The following PCDH15 variants were observed in gnomAD, a reference collection of about 807,000 sequenced individuals.
PCDH15 encodes the protein protocadherin related 15, also known as protocadherin-15.
In PCDH15, 129 loss-of-function variants were observed where a neutral mutation model predicts 178.5. The observed-to-expected ratio is 0.72, with a 90% CI of 0.63 to 0.84. The LOEUF is 0.84. PCDH15 is among the 40% of genes least tolerant of loss of function. PCDH15 has a pLI of 0.00. For missense variants in PCDH15, 2,230 were observed against 2,099.9 expected, an observed-to-expected ratio of 1.06 and a Z score of -1.21; for synonymous variants, 800 against 732.0, an observed-to-expected ratio of 1.09 and a Z score of -1.50.
intron 2 of PCDH15, among the ~76,000 whole-genome samples, chr10:55,573,799 T>C (rs1262903072): frequency 3.3e-5 from 5 of 151,996 alleles, no homozygotes. Context: ...CCATTTTCTG[T>C]GTAAAACAAT....
At chr10:55,592,993 T>G (rs1842872449) in intron 2 of PCDH15, among the ~76,000 whole-genome samples, 1 of 152,032 alleles carries the variant, frequency 6.6e-6, no homozygotes. Flanking sequence ...TCTAAAGAAA[T>G]AATCTTCTAT....
chr10:54,796,282 GTATC>G (rs57641746), intron 1 of PCDH15, among the ~76,000 whole-genome samples: 10,743 of 125,908 alleles, frequency 0.085, 503 homozygotes, highest in African/African-American at 0.12. Context: ...ATGTATCTAT[GTATC>G]TATCTATCTA....
chr10:55,328,615 A>G (rs1441731285), intron 2 of PCDH15, among the ~76,000 whole-genome samples: 1 of 151,588 alleles, frequency 6.6e-6, no homozygotes, highest in East Asian at 1.9e-4. Context: ...CATTGGTTCC[A>G]TATATGAGGA....
chr10:54,909,433 G>C (rs546674045), intron 2 of PCDH15, among the ~76,000 whole-genome samples: 2 of 152,252 alleles, frequency 1.3e-5, no homozygotes, highest in Admixed American at 1.3e-4. Context: ...AGGTAGCATG[G>C]GGCTGGTGTA....
chr10:53,860,400 A>G (rs2079024947), intron 27 of PCDH15, among the ~76,000 whole-genome samples: 1 of 152,074 alleles, frequency 6.6e-6, no homozygotes, highest in Non-Finnish European at 1.5e-5. Flanking sequence ...AAGGATAGTC[A>G]CTGCTTTCTC....
chr10:55,478,235 C>T (rs1272350052), intron 2 of PCDH15, among the ~76,000 whole-genome samples: 1 of 151,660 alleles, frequency 6.6e-6, no homozygotes, highest in Non-Finnish European at 1.5e-5. Flanking sequence ...ACTTCAGCAT[C>T]CCACTGTTCT....
At chr10:55,486,621 G>T (rs1565188083) in intron 2 of PCDH15, among the ~76,000 whole-genome samples, 1 of 151,470 alleles carries the variant, frequency 6.6e-6, no homozygotes, top group Non-Finnish European at 1.5e-5. Flanking sequence ...ATGCTATTAA[G>T]ATGAAACTCC....
At position 53,806,415 on chromosome 10, in the gene PCDH15, A is replaced by G. The variant is rs984706098; in HGVS notation, c.*164T>C. 30 of 608,724 alleles carry G rather than the reference A, an allele frequency of 4.9e-5. No individual in the cohort carries two copies. Among genetic ancestry groups the G allele is most frequent in the Non-Finnish European group, 8.3e-5 (30 of 360,358 alleles). The allele number at this position is 608,724 out of a possible 1,614,324, so 37.7% of individuals were successfully genotyped here. ...TGGGAAAAACGATTAATTGATAACA[A>G]TGTGAGTGCAAATCTGTCTCTTAAA... On this transcript the variant is annotated 3_prime_UTR_variant, in exon 38 of 38. Transcript: ENST00000644397.
intron 2 of PCDH15, among the ~76,000 whole-genome samples, chr10:55,604,071 C>CA (rs1305664890): frequency 3.1e-5 from 3 of 98,178 alleles, no homozygotes; most frequent in East Asian, 2.5e-4. Context: ...AAATGGAAAA[C>CA]AAAAAAAGGC....
At chr10:54,905,706 T>C (rs1954707227) in intron 2 of PCDH15, among the ~76,000 whole-genome samples, 1 of 152,118 alleles carries the variant, frequency 6.6e-6, no homozygotes, top group Admixed American at 6.5e-5. Flanking sequence ...AGTTGTCTTT[T>C]CCAATATTAA....
intron 1 of PCDH15, among the ~76,000 whole-genome samples, chr10:54,710,666 A>C (rs2095419613): frequency 6.6e-6 from 1 of 152,148 alleles, no homozygotes; most frequent in Non-Finnish European, 1.5e-5. Context: ...ATGTTTTCCT[A>C]ATTGCTGTTG....
At chr10:53,940,562 T>C (rs747998280) in intron 24 of PCDH15, among the ~76,000 whole-genome samples, 26 of 152,256 alleles carry the variant, frequency 1.7e-4, no homozygotes, top group Non-Finnish European at 3.5e-4. Context: ...GAAAATTTCA[T>C]GATGCATTAA....
intron 2 of PCDH15, among the ~76,000 whole-genome samples, chr10:55,361,972 C>A (rs1845240923): frequency 6.6e-6 from 1 of 152,026 alleles, no homozygotes; most frequent in Non-Finnish European, 1.5e-5. Flanking sequence ...TGGAGAAAAT[C>A]TCCTTTCTTG....
At chr10:55,567,132 T>C (rs1289720240) in intron 2 of PCDH15, among the ~76,000 whole-genome samples, 1 of 151,958 alleles carries the variant, frequency 6.6e-6, no homozygotes, top group East Asian at 1.9e-4. Context: ...GTCTCACATG[T>C]ATGGTCAAAT....
chr10:54,041,648 C>T (rs1911401), intron 18 of PCDH15, among the ~76,000 whole-genome samples: 28,771 of 151,744 alleles, frequency 0.19, 2,949 homozygotes, highest in Non-Finnish European at 0.23. Context: ...TATTAAGTTA[C>T]GAAAATAAAC....
At chr10:55,191,830 C>T (rs145331078) in intron 1 of PCDH15, among the ~76,000 whole-genome samples, 4 of 151,970 alleles carry the variant, frequency 2.6e-5, no homozygotes, top group East Asian at 3.9e-4. Flanking sequence ...CTTTCCCAAA[C>T]AATTTTCATG....
At chr10:55,130,524 T>C (rs1242284509) in intron 2 of PCDH15, among the ~76,000 whole-genome samples, 1 of 152,164 alleles carries the variant, frequency 6.6e-6, no homozygotes, top group Non-Finnish European at 1.5e-5. Context: ...AAAGCTCAGC[T>C]TTGTTATTTT....
At chr10:55,090,795 A>T (rs1421873469) in intron 2 of PCDH15, among the ~76,000 whole-genome samples, 2 of 152,088 alleles carry the variant, frequency 1.3e-5, no homozygotes, top group Admixed American at 1.3e-4. Flanking sequence ...AAAGTTCTGC[A>T]CTGATTTGGA....
chr10:54,406,421 C>A (rs757673489), intron 3 of PCDH15, among the ~76,000 whole-genome samples: 1 of 152,060 alleles, frequency 6.6e-6, no homozygotes, highest in Non-Finnish European at 1.5e-5. Flanking sequence ...TATTTCAGGC[C>A]TTGTGGGACA....
Sources: gnomAD v4.1 joint callset for allele counts (sites outside exome capture counted in the v4.1 genomes callset) on GRCh38, gnomAD v4.1.1 for gene constraint, MANE v1.5 for transcripts, NCBI Gene and HGNC (gene_info 2026-07-23, HGNC 2026-07-21) for gene names.